Variants in RAB27B observed in about 807,000 individuals in gnomAD.
The protein encoded by RAB27B is RAB27B, member RAS oncogene family, also known as ras-related protein Rab-27B.
Under a neutral mutation model 24.6 loss-of-function variants are expected in RAB27B, and 15 were observed. The observed-to-expected ratio is 0.61, with a 90% CI of 0.41 to 0.94. RAB27B has a LOEUF of 0.94. Ranked by LOEUF, RAB27B falls within the 40% of genes least tolerant of loss-of-function variation. The pLI is 0.00. For synonymous variants in RAB27B, 105 were observed against 92.5 expected, an observed-to-expected ratio of 1.14 and a Z score of -0.78; for missense variants, 261 against 266.8, an observed-to-expected ratio of 0.98 and a Z score of 0.15.
At chr18:54,774,023 T>G (rs547039317) in intron 2 of RAB27B, among the ~76,000 whole-genome samples, 40 of 152,310 alleles carry the variant, frequency 2.6e-4, no homozygotes, top group African/African-American at 9.6e-4. Flanking sequence ...TTAATTTAAC[T>G]AAATACAACT....
At chr18:54,853,114 A>G (rs915279241) in intron 1 of RAB27B, among the ~76,000 whole-genome samples, 1 of 152,180 alleles carries the variant, frequency 6.6e-6, no homozygotes, top group African/African-American at 2.4e-5. Context: ...AGTCTCTTGC[A>G]TATGGTTGAT....
At chr18:54,767,071 A>T (rs994618447) in intron 2 of RAB27B, among the ~76,000 whole-genome samples, 4 of 152,292 alleles carry the variant, frequency 2.6e-5, no homozygotes, top group African/African-American at 9.6e-5. Context: ...CTAAACACAT[A>T]GGGAAGAAGG....
chr18:54,773,063 T>C (rs1179517302), intron 2 of RAB27B, among the ~76,000 whole-genome samples: 3 of 152,240 alleles, frequency 2.0e-5, no homozygotes, highest in Admixed American at 2.0e-4. Context: ...CTTTTTTTTT[T>C]TAAATCTTCA....
At chr18:54,870,746 A>G (rs926503149) in intron 1 of RAB27B, among the ~76,000 whole-genome samples, 3 of 152,232 alleles carry the variant, frequency 2.0e-5, no homozygotes, top group Admixed American at 1.3e-4. Context: ...AACCTTCTGT[A>G]TAGATATACA....
At chr18:54,761,640 C>CAATGCTTCTCTTATTTCTAAAGT (rs1908193524) in intron 2 of RAB27B, among the ~76,000 whole-genome samples, 1 of 152,116 alleles carries the variant, frequency 6.6e-6, no homozygotes, top group South Asian at 2.1e-4. Flanking sequence ...TTCCAAAAAC[C>CAATGCTTCTCTTATTTCTAAAGT]AATGCTTCTC....
chr18:54,879,320 G>A, intron 2 of RAB27B, 49 bp from the exon 3 acceptor site: 2 of 1,424,050 alleles, frequency 1.4e-6, no homozygotes, highest in Non-Finnish European at 2.0e-6. Context: ...GAATTTGAGT[G>A]CTGACAAAAT....
chr18:54,891,884 AT>A lies in RAB27B; in HGVS notation c.*2474del, dbSNP rs1913382407. 6.6e-6 allele frequency: 1 copy of A among 152,100 alleles called. No individual in the cohort carries two copies. Among genetic ancestry groups the A allele is most frequent in the Admixed American group, 6.6e-5 (1 of 15,250 alleles). 9.4% of individuals were successfully genotyped at this position (152,100 alleles called of 1,614,324 possible). A position where few individuals can be genotyped will look rare whatever the true frequency, so the allele number is the denominator to read the frequency against. On this transcript the variant is annotated 3_prime_UTR_variant, in exon 6 of 6. Transcript: ENST00000262094. ...AGAGGAATGAGAAGTGACAAAATTG[AT>A]TTAAAATATTGTTCTACTTATAAAT...
intron 2 of RAB27B, among the ~76,000 whole-genome samples, chr18:54,748,599 A>G (rs1598876445): frequency 6.6e-6 from 1 of 152,308 alleles, no homozygotes. Flanking sequence ...ATGCAGATAG[A>G]TGGACCCAAC....
At chr18:54,804,891 TCTC>T (rs377699031) in intron 2 of RAB27B, among the ~76,000 whole-genome samples, 32,266 of 78,172 alleles carry the variant, frequency 0.41, 4,621 homozygotes, top group East Asian at 0.63. Flanking sequence ...TTTCTTTCTT[TCTC>T]TTTCTCTCTC....
chr18:54,858,540 C>T (rs771982097), intron 1 of RAB27B, among the ~76,000 whole-genome samples: 7 of 151,856 alleles, frequency 4.6e-5, no homozygotes, highest in Non-Finnish European at 5.9e-5. Context: ...CCTGCCAGTA[C>T]GCCCGGCTAA....
chr18:54,805,239 C>A (rs1365727313), intron 2 of RAB27B, among the ~76,000 whole-genome samples: 1 of 152,042 alleles, frequency 6.6e-6, no homozygotes, highest in African/African-American at 2.4e-5. Flanking sequence ...TATCAAGTGC[C>A]AGGGATGTAG....
At chr18:54,835,523 C>T (rs1355622724) in intron 1 of RAB27B, among the ~76,000 whole-genome samples, 1 of 151,914 alleles carries the variant, frequency 6.6e-6, no homozygotes, top group Non-Finnish European at 1.5e-5. Context: ...GAAGTAAACG[C>T]TTCTATTAGG....
chr18:54,811,106 A>G (rs919245788), intron 2 of RAB27B, among the ~76,000 whole-genome samples: 5 of 152,082 alleles, frequency 3.3e-5, no homozygotes, highest in African/African-American at 1.2e-4. Flanking sequence ...CTTTTTGGTT[A>G]GTCTCCCCAT....
At chr18:54,787,664 T>C (rs142455820) in intron 2 of RAB27B, among the ~76,000 whole-genome samples, 83 of 150,976 alleles carry the variant, frequency 5.5e-4, no homozygotes, top group African/African-American at 2.0e-3. Context: ...TTTAAAAATA[T>C]AATAAAATGC....
chr18:54,750,948 T>C (rs1057147262), intron 2 of RAB27B, among the ~76,000 whole-genome samples: 1 of 152,054 alleles, frequency 6.6e-6, no homozygotes, highest in African/African-American at 2.4e-5. Flanking sequence ...ACAAACAAAA[T>C]GTTACTTCTG....
At chr18:54,771,146 C>T (rs903878909) in intron 2 of RAB27B, among the ~76,000 whole-genome samples, 2 of 152,086 alleles carry the variant, frequency 1.3e-5, no homozygotes, top group African/African-American at 4.8e-5. Flanking sequence ...ATGCTGACTT[C>T]TGGCTAAGGC....
intron 2 of RAB27B, among the ~76,000 whole-genome samples, chr18:54,796,528 G>C (rs1909425850): frequency 6.6e-6 from 1 of 152,130 alleles, no homozygotes; most frequent in Non-Finnish European, 1.5e-5. Context: ...GGAATGGGAA[G>C]GTGGTCTTCC....
intron 4 of RAB27B, among the ~76,000 whole-genome samples, chr18:54,887,132 A>G (rs1201676657): frequency 6.7e-6 from 1 of 150,166 alleles, no homozygotes; most frequent in Non-Finnish European, 1.5e-5. Flanking sequence ...GAAAAGAGAA[A>G]AACAAATTAC....
intron 3 of RAB27B, 121 bp downstream of exon 3, chr18:54,879,575 G>A: frequency 1.2e-6 from 1 of 801,998 alleles, no homozygotes; most frequent in Non-Finnish European, 2.1e-6. Context: ...TTTCAAAATA[G>A]ACATTTGTAT....
Sources: gnomAD v4.1 joint callset for allele counts (sites outside exome capture counted in the v4.1 genomes callset) on GRCh38, gnomAD v4.1.1 for gene constraint, MANE v1.5 for transcripts, NCBI Gene and HGNC (gene_info 2026-07-23, HGNC 2026-07-21) for gene names.